ZRANB1: variants seen among roughly 807,000 people sequenced by gnomAD.
ZRANB1 encodes the protein zinc finger RANBP2-type containing 1, also known as ubiquitin thioesterase ZRANB1.
A neutral mutation model predicts 80.5 loss-of-function variants in ZRANB1; 16 were observed. That is an observed-to-expected ratio of 0.20 (90% CI 0.13 to 0.30). The LOEUF (loss-of-function observed/expected upper bound fraction) is 0.30, where lower values mean the gene tolerates loss of function less well. ZRANB1 is among the 10% of genes least tolerant of loss of function. The pLI is 1.00. For missense variants in ZRANB1, 576 were observed against 862.6 expected (o/e 0.67, Z 4.16); for synonymous variants, 291 against 293.1 (o/e 0.99, Z 0.07).
At chr10:124,919,175 T>C in the ZRANB1 span, among the ~76,000 whole-genome samples, 1 of 152,234 alleles carries the variant, frequency 6.6e-6, no homozygotes, top group East Asian at 1.9e-4. Flanking sequence ...GGCAAATTGC[T>C]TCATATGTGT....
In ZRANB1 at chr10:124,972,089, C is replaced by G; in HGVS notation, c.1127C>G (p.Thr376Ser). ...RKGDFACYFL[T>S]DLVTFTLPAD... The stretch of plus-strand genomic sequence containing the variant: ...GGGGATTTTGCTTGCTATTTTCTGA[C>G]TGACCTTGTAACATTTACATTGCCA... Residue 376 changes from threonine (T) to serine (S), a missense_variant, in exon 3 of 9, where the codon ACT becomes AGT. Coordinates refer to ENST00000359653, the MANE Select transcript of ZRANB1 (RefSeq NM_017580.3). 6.2e-7 allele frequency: 1 copy of G among 1,613,784 alleles called. No homozygotes were observed.
In ZRANB1 at chr10:124,983,147, T is replaced by A. The variant is rs750209646; in HGVS notation, c.1549-28T>A. On this transcript the variant is annotated intron_variant, in intron 6 of 8. Transcript: ENST00000359653. This position sits in a 1 kb window ranked among gnomAD's most constrained non-coding sequence, Gnocchi z 6.2. ...AGTTTTCCAGGAGTGGTAATAAATG[T>A]TTTAAGTTTTTGTTTTGTTTCGTAC... is the stretch of plus-strand genomic sequence containing the variant. 1.3e-6 allele frequency: 2 copies of A among 1,593,820 alleles called. No homozygotes were observed.
At chr10:124,926,450 C>T in the ZRANB1 span, among the ~76,000 whole-genome samples, 1 of 152,132 alleles carries the variant, frequency 6.6e-6, no homozygotes, top group Non-Finnish European at 1.5e-5. Flanking sequence ...CTAGGACACA[C>T]GTTAGCTTAG....
intron 1 of ZRANB1, among the ~76,000 whole-genome samples, chr10:124,950,646 C>T (rs1215283659): frequency 6.6e-6 from 1 of 152,044 alleles, no homozygotes; most frequent in African/African-American, 2.4e-5. Flanking sequence ...CTCTAGAGTG[C>T]CAAGTGTAAC....
chr10:124,952,401 C>T (rs1187834640), intron 1 of ZRANB1, among the ~76,000 whole-genome samples: 1 of 152,122 alleles, frequency 6.6e-6, no homozygotes, highest in Non-Finnish European at 1.5e-5. Flanking sequence ...CCAGCAGCCT[C>T]TAGGAGAAAA....
chr10:124,965,537 TA>T (rs1336764448), intron 1 of ZRANB1, among the ~76,000 whole-genome samples: 1 of 152,238 alleles, frequency 6.6e-6, no homozygotes, highest in African/African-American at 2.4e-5. Flanking sequence ...ATCAATCTGT[TA>T]TATTCTAAGG....
rs1347538738 is a variant in ZRANB1, at chr10:124,974,392, C to T, written c.1421C>T (p.Ser474Leu). ...CTGCATGACAGCCTGCATGACTGTT[C>T]ACATTGGTGAGCTGGCATTCTGCCC... ...KALHDSLHDC[S>L]HWFYTRWKDW... Residue 474 changes from serine (S) to leucine (L), a missense_variant, in exon 5 of 9, where the codon TCA becomes TTA. This residue lies in a region of ZRANB1 where 411 missense variants were observed against 583.1 expected (regional missense o/e 0.70). Coordinates refer to ENST00000359653, the MANE Select transcript of ZRANB1 (RefSeq NM_017580.3). 7 of 1,614,102 alleles carry T rather than the reference C, an allele frequency of 4.3e-6. No individual in the cohort carries two copies. The Admixed American group carries it at 1.2e-4, about 27-fold the overall frequency.
chr10:124,975,721 G>C (rs1478144357), intron 5 of ZRANB1, among the ~76,000 whole-genome samples: 2 of 152,168 alleles, frequency 1.3e-5, no homozygotes, highest in Non-Finnish European at 2.9e-5. Context: ...ATGCAGTATG[G>C]CTGGGGTTTG....
At chr10:124,961,299 C>G (rs940478482) in intron 1 of ZRANB1, among the ~76,000 whole-genome samples, 1 of 152,188 alleles carries the variant, frequency 6.6e-6, no homozygotes, top group Non-Finnish European at 1.5e-5. Context: ...AGCCACTGAG[C>G]CCAGCTGGAA....
At chr10:124,929,694 T>C in the ZRANB1 span, among the ~76,000 whole-genome samples, 3 of 151,410 alleles carry the variant, frequency 2.0e-5, no homozygotes, top group Non-Finnish European at 4.4e-5. Flanking sequence ...ATGCCTGTAA[T>C]CCCAGCACTG....
the ZRANB1 span, among the ~76,000 whole-genome samples, chr10:124,919,648 G>C: frequency 1.7e-5 from 2 of 115,090 alleles, no homozygotes; most frequent in Non-Finnish European, 1.6e-5. Flanking sequence ...GTCTCTCTCT[G>C]TCACCCAGGC....
chr10:124,917,386 AC>A, the ZRANB1 span: 1 of 150,734 alleles, frequency 6.6e-6, no homozygotes, highest in East Asian at 2.0e-4. Context: ...CCCAGGGGCG[AC>A]CGCGTCGCAG....
chr10:124,917,748 C>T, the ZRANB1 span, among the ~76,000 whole-genome samples: 2 of 152,144 alleles, frequency 1.3e-5, no homozygotes, highest in Admixed American at 6.5e-5. Flanking sequence ...CTCCAGTTGC[C>T]ATTTGTAGGA....
chr10:124,978,302 T>C (rs1295819922), intron 5 of ZRANB1, among the ~76,000 whole-genome samples: 1 of 152,104 alleles, frequency 6.6e-6, no homozygotes, highest in Non-Finnish European at 1.5e-5. Context: ...TTAAAGATGC[T>C]CTTTGCTGAG....
chr10:124,974,389 G>A lies in ZRANB1; in HGVS notation c.1418G>A (p.Cys473Tyr). The A allele has an allele frequency of 6.2e-7, 1 of 1,614,230 alleles. No individual in the cohort carries two copies. The highest frequency in any genetic ancestry group is 8.5e-7 in the Non-Finnish European group (1 of 1,180,030). The change falls in exon 5 of 9, where the codon TGT becomes TAT. Residue 473 changes from cysteine (C) to tyrosine (Y), a missense_variant. Physicochemically the swap from Cys to Tyr is radical, Grantham distance 194. This residue lies in a region of ZRANB1 where 411 missense variants were observed against 583.1 expected (regional missense o/e 0.70). Coordinates refer to ENST00000359653, the MANE Select transcript of ZRANB1 (RefSeq NM_017580.3). ...RKALHDSLHD[C>Y]SHWFYTRWKD... Reference sequence around the variant, plus strand: ...GCCCTGCATGACAGCCTGCATGACTGTTCACATTGGTGAGCTGGCATTCTG... The same window carrying A: ...GCCCTGCATGACAGCCTGCATGACTATTCACATTGGTGAGCTGGCATTCTG...
At chr10:124,950,564 T>G (rs1951629960) in intron 1 of ZRANB1, among the ~76,000 whole-genome samples, 1 of 152,230 alleles carries the variant, frequency 6.6e-6, no homozygotes, top group East Asian at 1.9e-4. Flanking sequence ...TTGAGGCAAA[T>G]CCATTTGGAT....
chr10:124,984,659 ATTGCT>A (rs1350228536), intron 8 of ZRANB1, 110 bp from the exon 9 acceptor site: 1 of 1,028,708 alleles, frequency 9.7e-7, no homozygotes, highest in East Asian at 2.6e-5. Context: ...TGAAAAGTTG[ATTGCT>A]TTGGCCTTTT....
the ZRANB1 span, among the ~76,000 whole-genome samples, chr10:124,924,002 A>C: frequency 1.3e-5 from 2 of 149,674 alleles, no homozygotes; most frequent in African/African-American, 5.1e-5. Context: ...TGTCCCTCTC[A>C]CTCCTGAACT....
chr10:124,971,943 GAAGGTTTCTTTTGTATTT>G lies in ZRANB1; in HGVS notation c.1003-16_1004del, dbSNP rs1273658004. 1 of 1,549,246 alleles carries G rather than the reference GAAGGTTTCTTTTGTATTT, an allele frequency of 6.5e-7. No homozygotes were observed. The highest frequency in any genetic ancestry group is 2.3e-5 in the East Asian group (1 of 43,218). Reference sequence around the variant, plus strand: ...CCACTTATGATACATGAGATGAGAGGAAGGTTTCTTTTGTATTTAAGGTGTCTCAACAAGCAGCAAAGT... The same window carrying G: ...CCACTTATGATACATGAGATGAGAGGAAGGTGTCTCAACAAGCAGCAAAGT... On this transcript the variant is annotated splice_region_variant and splice_polypyrimidine_tract_variant and intron_variant, in intron 2 of 8. Transcript: ENST00000359653.
Sources: allele counts gnomAD v4.1 joint callset (sites outside exome capture counted in the v4.1 genomes callset), GRCh38; gene constraint gnomAD v4.1.1; regional missense constraint gnomAD v4.1.1; non-coding constraint Gnocchi (gnomAD v3.1); transcripts MANE v1.5; gene names NCBI Gene and HGNC (gene_info 2026-07-23, HGNC 2026-07-21).